The following RIC1 variants were observed in gnomAD, a reference collection of about 807,000 sequenced individuals.
The protein encoded by RIC1 is guanine nucleotide exchange factor subunit RIC1.
In RIC1, 88 loss-of-function variants were observed where a neutral mutation model predicts 169.0. The ratio of observed to expected loss-of-function variants is 0.52; its 90% CI spans 0.44 to 0.62. The LOEUF (loss-of-function observed/expected upper bound fraction) is 0.62, where lower values mean the gene tolerates loss of function less well. RIC1 is among the 20% of genes least tolerant of loss of function. The pLI is 0.00. For missense variants in RIC1, 1,877 were observed against 1,725.5 expected (o/e 1.09, Z -1.56); for synonymous variants, 790 against 601.5 (o/e 1.31, Z -4.59).
Position 5,765,602 on chromosome 9 carries a change from A to G in RIC1, c.3000+30A>G, listed in dbSNP as rs969184417. On this transcript the variant is annotated intron_variant, in intron 20 of 25. Transcript: ENST00000414202. ...GTTGCAAAAGTTACACATCTTCTCT[A>G]GGCCATACACCCACGTAGCATCTTT... 21 of 1,613,916 alleles carry G rather than the reference A, an allele frequency of 1.3e-5. No individual in the cohort carries two copies. In the Admixed American group the frequency reaches 2.3e-4, roughly 18 times the overall value.
rs78236994 is a variant in RIC1, at chr9:5,749,388, T to C, written c.1452+1883T>C. 8.8e-3 allele frequency among the ~76,000 whole-genome samples: 1,333 copies of C among 152,258 alleles called. 29 individuals carry two copies. The highest frequency in any genetic ancestry group is 0.031 in the African/African-American group (1,282 of 41,544). On this transcript the variant is annotated intron_variant, in intron 12 of 25. Transcript: ENST00000414202. ...ACAGTGTCTATATAATGCTAAACTTTTACGTTCTAGGCTTTTTAGCCATTT... is the reference window on the plus strand; with the variant it reads ...ACAGTGTCTATATAATGCTAAACTTCTACGTTCTAGGCTTTTTAGCCATTT...
chr9:5,732,642 T>G (rs1415147640), intron 7 of RIC1, among the ~76,000 whole-genome samples, 163 bp downstream of exon 7: 1 of 152,192 alleles, frequency 6.6e-6, no homozygotes, highest in African/African-American at 2.4e-5. Flanking sequence ...TTTATTAGAT[T>G]GAAACAAACA....
intron 22 of RIC1, chr9:5,769,526 A>C (rs1226839065): frequency 8.4e-7 from 1 of 1,196,286 alleles, no homozygotes; most frequent in Admixed American, 3.0e-5. Context: ...GAACTGCCTG[A>C]ATATAAAAGC....
chr9:5,677,878 T>A (rs1247055214), intron 2 of RIC1, among the ~76,000 whole-genome samples: 1 of 152,130 alleles, frequency 6.6e-6, no homozygotes, highest in Non-Finnish European at 1.5e-5. Context: ...ACTTTAAGTT[T>A]TAGGGTACAT....
chr9:5,717,017 G>A (rs1229949979), intron 4 of RIC1, among the ~76,000 whole-genome samples: 1 of 151,988 alleles, frequency 6.6e-6, no homozygotes, highest in East Asian at 1.9e-4. Flanking sequence ...AAATGAGAAG[G>A]ATATATCTAT....
intron 2 of RIC1, among the ~76,000 whole-genome samples, chr9:5,684,263 A>C (rs1457778884): frequency 5.5e-5 from 4 of 72,644 alleles, no homozygotes; most frequent in East Asian, 4.6e-4. Flanking sequence ...CTATTTGGCC[A>C]TCTTGGCTCC....
At chr9:5,750,714 T>TA (rs1825669694) in intron 12 of RIC1, among the ~76,000 whole-genome samples, 1 of 151,850 alleles carries the variant, frequency 6.6e-6, no homozygotes, top group African/African-American at 2.4e-5. Flanking sequence ...CACTCAGTTT[T>TA]CCAGTGATGT....
rs1824032981 is a variant in RIC1, at chr9:5,726,953, G to A, written c.721-5435G>A. 2.6e-5 allele frequency among the ~76,000 whole-genome samples: 4 copies of A among 152,178 alleles called. No individual in the cohort carries two copies. The South Asian group carries it at 8.3e-4, about 31-fold the overall frequency. On this transcript the variant is annotated intron_variant, in intron 6 of 25. Coordinates refer to ENST00000414202, the MANE Select transcript of RIC1 (RefSeq NM_020829.4). ...TAGTCTGATAGGCTTCCCTTTGTGG[G>A]TAACCCGACCTTTCTCTCTGGCTGC... is the stretch of plus-strand genomic sequence containing the variant.
intron 2 of RIC1, among the ~76,000 whole-genome samples, chr9:5,658,147 T>C (rs1819217501): frequency 6.6e-6 from 1 of 152,156 alleles, no homozygotes; most frequent in East Asian, 1.9e-4. Context: ...TACATACTCA[T>C]GTCAAAAGAA....
chr9:5,777,974 T>C (rs925630473), downstream of RIC1, among the ~76,000 whole-genome samples: 12 of 152,204 alleles, frequency 7.9e-5, no homozygotes, highest in African/African-American at 2.9e-4. Flanking sequence ...CAGGATCAGC[T>C]TGTCAATTTC....
At chr9:5,773,936 A>C in intron 25 of RIC1, 22 bp from the exon 26 acceptor site, 1 of 1,540,124 alleles carries the variant, frequency 6.5e-7, no homozygotes, top group Non-Finnish European at 8.7e-7. Context: ...CAGATGAGCT[A>C]ATGTTTTTTT....
At chr9:5,740,159 G>A (rs552424487) in intron 8 of RIC1, among the ~76,000 whole-genome samples, 277 of 152,252 alleles carry the variant, frequency 1.8e-3, no homozygotes, top group Non-Finnish European at 3.2e-3. Context: ...TCCACATATG[G>A]TCAAAGGTGT....
chr9:5,700,900 AT>A (rs1039221441), intron 3 of RIC1, among the ~76,000 whole-genome samples: 1 of 152,006 alleles, frequency 6.6e-6, no homozygotes, highest in African/African-American at 2.4e-5. Flanking sequence ...AGTTATAAAT[AT>A]TTTTTTTCAA....
chr9:5,752,293 T>C lies in RIC1; in HGVS notation c.1453-907T>C, dbSNP rs187704836. 1.1e-3 allele frequency among the ~76,000 whole-genome samples: 173 copies of C among 152,156 alleles called. 2 individuals carry two copies. Among genetic ancestry groups the C allele is most frequent in the East Asian group, 8.7e-3 (45 of 5,182 alleles). ...TAGATAAGTAAGTCAAATACCCCAA[T>C]AGAAAAATAATAGCTTACATACACT... On this transcript the variant is annotated intron_variant, in intron 12 of 25. Transcript: ENST00000414202.
At chr9:5,630,068 A>G (rs1433486565) in intron 1 of RIC1, among the ~76,000 whole-genome samples, 6 of 152,182 alleles carry the variant, frequency 3.9e-5, no homozygotes, top group Non-Finnish European at 5.9e-5. Context: ...ACTCTTCGGA[A>G]TAGGGGGTTA....
intron 2 of RIC1, among the ~76,000 whole-genome samples, chr9:5,684,785 A>T (rs1821107850): frequency 6.6e-6 from 1 of 152,180 alleles, no homozygotes; most frequent in South Asian, 2.1e-4. Context: ...ACCATTAAGA[A>T]TGATGTTATA....
intron 12 of RIC1, among the ~76,000 whole-genome samples, chr9:5,748,239 G>C (rs1825505805): frequency 6.6e-6 from 1 of 152,068 alleles, no homozygotes; most frequent in Non-Finnish European, 1.5e-5. Flanking sequence ...GTACATCAAA[G>C]CCCACTCTTA....
chr9:5,637,828 G>A (rs13294802), intron 1 of RIC1, among the ~76,000 whole-genome samples: 25,283 of 152,096 alleles, frequency 0.17, 4,126 homozygotes, highest in African/African-American at 0.42. Flanking sequence ...TCCATTATGT[G>A]CAAGTACCAT....
intron 1 of RIC1, among the ~76,000 whole-genome samples, chr9:5,645,957 T>C (rs2130357844): frequency 6.6e-6 from 1 of 151,868 alleles, no homozygotes; most frequent in African/African-American, 2.4e-5. Context: ...AGGTTTTTTT[T>C]TTTTTTGAGA....
Sources: gnomAD v4.1 joint callset for allele counts (sites outside exome capture counted in the v4.1 genomes callset) on GRCh38, gnomAD v4.1.1 for gene constraint, MANE v1.5 for transcripts, NCBI Gene and HGNC (gene_info 2026-07-23, HGNC 2026-07-21) for gene names.